The following ANKRD36 variants were observed in gnomAD, a reference collection of about 807,000 sequenced individuals.
ANKRD36 encodes ankyrin repeat domain 36.
In ANKRD36, 179 loss-of-function variants were observed where a neutral mutation model predicts 278.1. The ratio of observed to expected loss-of-function variants is 0.64; its 90% CI spans 0.57 to 0.73. The LOEUF (loss-of-function observed/expected upper bound fraction) is 0.73. Ranked by LOEUF, ANKRD36 falls within the 30% of genes least tolerant of loss-of-function variation. The pLI is 0.00. For synonymous variants in ANKRD36, 320 were observed against 641.1 expected (o/e 0.50, Z 7.57); for missense variants, 1,159 against 1,956.7 (o/e 0.59, Z 7.69).
At position 97,187,183 on chromosome 2, in the gene ANKRD36, C is replaced by T. The variant is rs571795819; in HGVS notation, c.2042-15C>T. 11 of 1,609,310 alleles carry T rather than the reference C, an allele frequency of 6.8e-6. No homozygotes were observed. The highest frequency in any genetic ancestry group is 1.1e-5 in the South Asian group (1 of 90,782). On this transcript the variant is annotated splice_polypyrimidine_tract_variant and intron_variant, in intron 30 of 75. Transcript: ENST00000420699. ...ATTTACATATGAGTGATTATGTATC[C>T]CTTTTGCTTTTCAGTGTCTTCTCAG... is the stretch of plus-strand genomic sequence containing the variant.
intron 56 of ANKRD36, among the ~76,000 whole-genome samples, chr2:97,210,463 G>C (rs927031864): frequency 6.6e-6 from 1 of 151,850 alleles, no homozygotes; most frequent in Non-Finnish European, 1.5e-5. Context: ...GGCTGCTCGA[G>C]GAACTACTGG....
chr2:97,217,884 G>T (rs1315500692), intron 64 of ANKRD36, among the ~76,000 whole-genome samples: 64 of 151,564 alleles, frequency 4.2e-4, no homozygotes, highest in Non-Finnish European at 6.9e-4. Flanking sequence ...AAGTTATTTA[G>T]GTAATTTTGG....
intron 17 of ANKRD36, among the ~76,000 whole-genome samples, chr2:97,159,527 A>C (rs2048316946): frequency 6.6e-6 from 1 of 151,770 alleles, no homozygotes. Flanking sequence ...TGCTGTGTTC[A>C]TAGATAATGC....
chr2:97,211,434 G>A, intron 56 of ANKRD36, 112 bp from the exon 57 acceptor site: 1 of 1,489,154 alleles, frequency 6.7e-7, no homozygotes, highest in Non-Finnish European at 9.2e-7. Flanking sequence ...AGCCGTCAAG[G>A]CCTACACTAA....
chr2:97,192,816 A>G lies in ANKRD36; in HGVS notation c.2348-42A>G, dbSNP rs374619271. The G allele has an allele frequency of 1.6e-4, 249 of 1,582,936 alleles. 6 individuals carry two copies. In the East Asian group the frequency reaches 4.3e-3, roughly 28 times the overall value. On this transcript the variant is annotated intron_variant, in intron 36 of 75. Transcript: ENST00000420699. ...TCATGAATGTATGGATAACTTTGTC[A>G]TAGTTACATATGAGTGATTATGTAT... is the stretch of plus-strand genomic sequence containing the variant.
chr2:97,218,368 G>T (rs2066498869), intron 64 of ANKRD36, among the ~76,000 whole-genome samples: 1 of 144,876 alleles, frequency 6.9e-6, no homozygotes, highest in African/African-American at 2.7e-5. Context: ...ACTTTTTGAT[G>T]GGGTTTATAT....
intron 22 of ANKRD36, among the ~76,000 whole-genome samples, chr2:97,177,593 A>T (rs2054684668): frequency 6.6e-6 from 1 of 152,004 alleles, no homozygotes; most frequent in Non-Finnish European, 1.5e-5. Flanking sequence ...TTCCCTATTT[A>T]AAAATGGTGC....
At chr2:97,116,485 G>A (rs2035405541) in intron 1 of ANKRD36, among the ~76,000 whole-genome samples, 1 of 151,996 alleles carries the variant, frequency 6.6e-6, no homozygotes, top group Non-Finnish European at 1.5e-5. Flanking sequence ...TGTTGGCCAG[G>A]CTGGTCTCAG....
chr2:97,154,747 G>A lies in ANKRD36; in HGVS notation c.1260+6G>A. ...AGTTTGCTTTGGAATCTGAGGTAGA[G>A]TACTCTCTTGTGAAATTAATTTTCT... On this transcript the variant is annotated splice_donor_region_variant and intron_variant, in intron 15 of 75. Coordinates refer to ENST00000420699, the MANE Select transcript of ANKRD36 (RefSeq NM_001354587.1). 2.0e-6 allele frequency: 3 copies of A among 1,476,540 alleles called. 1 individual carries two copies. Among genetic ancestry groups the A allele is most frequent in the Non-Finnish European group, 2.7e-6 (3 of 1,098,558 alleles). 91.5% of individuals were successfully genotyped at this position (1,476,540 alleles called of 1,614,324 possible).
intron 6 of ANKRD36, among the ~76,000 whole-genome samples, chr2:97,136,302 A>G (rs2041492750): frequency 6.6e-6 from 1 of 150,904 alleles, no homozygotes; most frequent in Non-Finnish European, 1.5e-5. Context: ...CTGGGAGGAC[A>G]TGGAAGCATG....
At chr2:97,203,208 C>T (rs2061876931) in intron 48 of ANKRD36, among the ~76,000 whole-genome samples, 1 of 151,792 alleles carries the variant, frequency 6.6e-6, no homozygotes, top group Non-Finnish European at 1.5e-5. Context: ...ACATGATACT[C>T]CCAAGAAGGC....
intron 64 of ANKRD36, 33 bp downstream of exon 64, chr2:97,217,405 C>T: frequency 6.5e-7 from 1 of 1,548,950 alleles, no homozygotes; most frequent in Non-Finnish European, 8.7e-7. Context: ...ATGTCATGTG[C>T]ACTCAAGATA....
intron 46 of ANKRD36, among the ~76,000 whole-genome samples, chr2:97,201,894 G>C (rs1485054257): frequency 6.6e-6 from 1 of 151,904 alleles, no homozygotes; most frequent in Non-Finnish European, 1.5e-5. Context: ...TTGCTACTCT[G>C]ATTTTAGATC....
intron 28 of ANKRD36, among the ~76,000 whole-genome samples, chr2:97,184,696 A>G (rs992170223): frequency 2.0e-5 from 3 of 151,718 alleles, no homozygotes; most frequent in Admixed American, 6.6e-5. Context: ...ACTGAAGGCT[A>G]AACTAGAGGA....
intron 67 of ANKRD36, among the ~76,000 whole-genome samples, chr2:97,233,484 C>G (rs1298326144): frequency 2.0e-5 from 3 of 151,868 alleles, no homozygotes; most frequent in Non-Finnish European, 4.4e-5. Context: ...ATCTTTGTTC[C>G]TTAATTAACC....
At chr2:97,117,858 AT>A (rs1411490455) in intron 1 of ANKRD36, among the ~76,000 whole-genome samples, 1 of 151,994 alleles carries the variant, frequency 6.6e-6, no homozygotes, top group Non-Finnish European at 1.5e-5. Context: ...CTTACAGTAA[AT>A]TTTAAGCCCC....
intron 46 of ANKRD36, among the ~76,000 whole-genome samples, chr2:97,201,370 A>C (rs2061335518): frequency 6.6e-6 from 1 of 151,922 alleles, no homozygotes; most frequent in Admixed American, 6.6e-5. Flanking sequence ...AACAAAAATT[A>C]TGTTGCATTC....
At chr2:97,223,098 C>CTTTTT (rs58708702) in intron 66 of ANKRD36, among the ~76,000 whole-genome samples, 6 of 123,996 alleles carry the variant, frequency 4.8e-5, no homozygotes, top group African/African-American at 9.8e-5. Context: ...TTATTATACA[C>CTTTTT]TTTTTTTTTT....
chr2:97,159,744 A>T (rs2048370107), intron 17 of ANKRD36, among the ~76,000 whole-genome samples: 1 of 150,442 alleles, frequency 6.6e-6, no homozygotes, highest in South Asian at 2.1e-4. Flanking sequence ...AAAATAATAA[A>T]AATTAATTAA....
Sources: allele counts gnomAD v4.1 joint callset (sites outside exome capture counted in the v4.1 genomes callset), GRCh38; gene constraint gnomAD v4.1.1; transcripts MANE v1.5; gene names NCBI Gene and HGNC (gene_info 2026-07-23, HGNC 2026-07-21).